The following ACOT1 variants were observed in gnomAD, a reference collection of about 807,000 sequenced individuals.
The protein encoded by ACOT1 is acyl-CoA thioesterase 1.
Under a neutral mutation model 15.7 loss-of-function variants are expected in ACOT1, and 8 were observed. The observed-to-expected ratio is 0.51, with a 90% confidence interval of 0.30 to 0.92. ACOT1 has a LOEUF of 0.92. ACOT1 is among the 40% of genes least tolerant of loss of function. The pLI is 0.06. For synonymous variants in ACOT1, 67 were observed against 241.2 expected, an observed-to-expected ratio of 0.28 and a Z score of 6.69; for missense variants, 151 against 539.4, an observed-to-expected ratio of 0.28 and a Z score of 7.13.
chr14:73,518,795 A>G, the ACOT1 span, among the ~76,000 whole-genome samples: 2 of 152,320 alleles, frequency 1.3e-5, no homozygotes, highest in Admixed American at 6.5e-5. Flanking sequence ...TACCTAAGTT[A>G]TATCAGATCT....
chr14:73,496,452 C>T, the ACOT1 span: 1 of 591,544 alleles, frequency 1.7e-6, no homozygotes, highest in Non-Finnish European at 3.0e-6. Context: ...TGCTTTGCAT[C>T]TTCAAATGAT....
chr14:73,540,824 C>T (rs1345273746), intron 1 of ACOT1, among the ~76,000 whole-genome samples: 1 of 109,192 alleles, frequency 9.2e-6, no homozygotes, highest in African/African-American at 3.2e-5. Context: ...TCACTGCAAC[C>T]TCCAACTCCC....
the ACOT1 span, among the ~76,000 whole-genome samples, chr14:73,501,719 C>T: frequency 4.6e-5 from 7 of 151,830 alleles, no homozygotes; most frequent in South Asian, 1.5e-3. Context: ...GGACTACAGG[C>T]ATACACCACC....
At chr14:73,518,877 T>G in the ACOT1 span, 1 of 675,920 alleles carries the variant, frequency 1.5e-6, no homozygotes, top group South Asian at 2.7e-5. Flanking sequence ...GAGATTATTT[T>G]TAGTACGTAG....
chr14:73,509,406 A>G, the ACOT1 span: 2 of 1,614,134 alleles, frequency 1.2e-6, no homozygotes, highest in South Asian at 1.1e-5. Flanking sequence ...GCACATGGGC[A>G]TTCTTGTCAC....
At position 73,539,004 on chromosome 14, in the gene ACOT1, C is replaced by A. The variant is rs574907000; in HGVS notation, c.457+1126C>A. ...AAAAACAAAAAACAAACAACAACAA[C>A]AAAAAATTTTCAAGTAGTTTCAATG... On this transcript the variant is annotated intron_variant, in intron 1 of 2. Coordinates refer to ENST00000311148, the MANE Select transcript of ACOT1 (RefSeq NM_001037161.2). Among the ~76,000 whole-genome samples the A allele has an allele frequency of 5.0e-4, 58 of 115,332 alleles. 14 individuals carry two copies. The highest frequency in any genetic ancestry group is 1.5e-3 in the African/African-American group (54 of 35,560). 75.7% of individuals were successfully genotyped at this position (115,332 alleles called of 152,430 possible). A position where few individuals can be genotyped will look rare whatever the true frequency, so the allele number is the denominator to read the frequency against.
chr14:73,514,003 CA>C, the ACOT1 span: 5 of 1,605,776 alleles, frequency 3.1e-6, no homozygotes, highest in Non-Finnish European at 3.4e-6. Flanking sequence ...CACAAACGTA[CA>C]GTATCACAGG....
At chr14:73,515,068 CAA>C in the ACOT1 span, among the ~76,000 whole-genome samples, 2 of 110,642 alleles carry the variant, frequency 1.8e-5, no homozygotes, top group Admixed American at 1.1e-4. Flanking sequence ...ACTCCGTTCT[CAA>C]AAAAAAAAAA....
At chr14:73,527,040 C>T in the ACOT1 span, among the ~76,000 whole-genome samples, 1 of 152,136 alleles carries the variant, frequency 6.6e-6, no homozygotes, top group South Asian at 2.1e-4. Flanking sequence ...ACCAAAGATA[C>T]AGGAGTATCC....
the ACOT1 span, chr14:73,509,508 C>T: frequency 6.2e-7 from 1 of 1,606,510 alleles, no homozygotes; most frequent in Admixed American, 1.7e-5. Flanking sequence ...AGAGTACTAG[C>T]CCCTTTGCTT....
At chr14:73,522,414 G>T in the ACOT1 span, 1 of 1,614,226 alleles carries the variant, frequency 6.2e-7, no homozygotes, top group Non-Finnish European at 8.5e-7. Context: ...AGCTCATCCC[G>T]AATGTGACTC....
At chr14:73,491,741 T>G in the ACOT1 span, 1 of 1,555,382 alleles carries the variant, frequency 6.4e-7, no homozygotes, top group Non-Finnish European at 8.7e-7. Context: ...CCAGGGACTT[T>G]TCTCTACCGC....
chr14:73,504,600 T>C, the ACOT1 span, among the ~76,000 whole-genome samples: 1 of 152,164 alleles, frequency 6.6e-6, no homozygotes, highest in African/African-American at 2.4e-5. Flanking sequence ...TCCAGGACTT[T>C]AGCAGCAGGG....
Sources: gnomAD v4.1 joint callset for allele counts (sites outside exome capture counted in the v4.1 genomes callset) on GRCh38, gnomAD v4.1.1 for gene constraint, MANE v1.5 for transcripts, NCBI Gene and HGNC (gene_info 2026-07-23, HGNC 2026-07-21) for gene names.